The following ARL15 variants were observed in gnomAD, a reference collection of about 807,000 sequenced individuals.
The protein encoded by ARL15 is ARF like GTPase 15, also known as ADP-ribosylation factor-like protein 15.
In ARL15, 19 loss-of-function variants were observed where a neutral mutation model predicts 25.2. The ratio of observed to expected loss-of-function variants is 0.75; its 90% CI spans 0.53 to 1.10. The LOEUF (loss-of-function observed/expected upper bound fraction) is 1.10, where lower values mean the gene tolerates loss of function less well. Ranked by LOEUF, ARL15 falls within the 50% of genes least tolerant of loss-of-function variation. ARL15 has a pLI of 0.00. For synonymous variants in ARL15, 94 were observed against 86.8 expected, an observed-to-expected ratio of 1.08 and a Z score of -0.46; for missense variants, 220 against 246.0, an observed-to-expected ratio of 0.89 and a Z score of 0.71.
At chr5:54,087,551 A>G in intron 4 of ARL15, among the ~76,000 whole-genome samples, 1 of 152,174 alleles carries the variant, frequency 6.6e-6, no homozygotes, top group East Asian at 1.9e-4. Context: ...AGCTAAAAGG[A>G]ATAGCAGAGG....
intron 4 of ARL15, among the ~76,000 whole-genome samples, chr5:54,074,144 G>A (rs1453966930): frequency 6.6e-6 from 1 of 152,162 alleles, no homozygotes; most frequent in African/African-American, 2.4e-5. Flanking sequence ...ACCAGATCTG[G>A]ATTATAACAT....
chr5:54,136,432 A>G (rs542376381), intron 3 of ARL15, among the ~76,000 whole-genome samples: 4 of 152,202 alleles, frequency 2.6e-5, no homozygotes, highest in Non-Finnish European at 5.9e-5. Context: ...AATGTAAAAT[A>G]TCATCTGTTT....
intron 4 of ARL15, among the ~76,000 whole-genome samples, chr5:54,031,236 T>C (rs1268540174): frequency 2.0e-5 from 3 of 152,188 alleles, no homozygotes; most frequent in Non-Finnish European, 4.4e-5. Flanking sequence ...CAAAAATTAA[T>C]ACCTGTAAGC....
At chr5:54,234,153 GC>G (rs1278666800) in intron 1 of ARL15, among the ~76,000 whole-genome samples, 11 of 151,998 alleles carry the variant, frequency 7.2e-5, no homozygotes, top group Admixed American at 2.0e-4. Flanking sequence ...GTGCCACCAA[GC>G]CCGGCTAATT....
rs76828339 is a variant in ARL15 at position 54,305,552 on chromosome 5, T to C, written c.48+4880A>G. Among the ~76,000 whole-genome samples, 62 of 152,330 alleles carry C rather than the reference T, an allele frequency of 4.1e-4. No homozygotes were observed. The East Asian group carries it at 0.012, about 28-fold the overall frequency. On this transcript the variant is annotated intron_variant, in intron 1 of 4. Transcript: ENST00000504924. ...TATATTCCAAGTCCCAGTGGATACC[T>C]AAAACCACAGATAGTACTGAGCTAT...
chr5:54,019,290 C>T (rs886588768), intron 4 of ARL15, among the ~76,000 whole-genome samples: 5 of 151,726 alleles, frequency 3.3e-5, no homozygotes, highest in Admixed American at 2.6e-4. Flanking sequence ...GGTAAGTAAA[C>T]GACGTATTGT....
At chr5:54,273,271 GTTAA>G (rs1757838107) in intron 1 of ARL15, among the ~76,000 whole-genome samples, 1 of 152,158 alleles carries the variant, frequency 6.6e-6, no homozygotes, top group Non-Finnish European at 1.5e-5. Context: ...TGAAATTTAG[GTTAA>G]TTATGAACTT....
chr5:54,250,912 T>G (rs2112598745), intron 1 of ARL15, among the ~76,000 whole-genome samples: 1 of 152,252 alleles, frequency 6.6e-6, no homozygotes, highest in East Asian at 1.9e-4. Context: ...CTGAAAGAAG[T>G]TATAAAAAGC....
At chr5:53,912,582 A>G (rs1318152131) in intron 4 of ARL15, among the ~76,000 whole-genome samples, 1 of 152,204 alleles carries the variant, frequency 6.6e-6, no homozygotes, top group Non-Finnish European at 1.5e-5. Flanking sequence ...CAATGTTTTT[A>G]TATTTCTCCA....
chr5:54,022,187 G>A (rs1016916481), intron 4 of ARL15, among the ~76,000 whole-genome samples: 6 of 152,046 alleles, frequency 3.9e-5, no homozygotes, highest in African/African-American at 1.4e-4. Context: ...AAGAAATACT[G>A]GAACACTGGG....
At chr5:54,240,516 T>A (rs1177700497) in intron 1 of ARL15, among the ~76,000 whole-genome samples, 3 of 152,102 alleles carry the variant, frequency 2.0e-5, no homozygotes, top group African/African-American at 7.2e-5. Flanking sequence ...TAAAAGATTG[T>A]GTTGCCTAAC....
At chr5:54,125,583 T>C (rs984096609) in intron 3 of ARL15, among the ~76,000 whole-genome samples, 15 of 152,244 alleles carry the variant, frequency 9.9e-5, no homozygotes, top group Admixed American at 9.8e-4. Flanking sequence ...GATCAGCATG[T>C]GCGTTGCTTC....
At chr5:54,304,487 C>A (rs370300903) in intron 1 of ARL15, among the ~76,000 whole-genome samples, 2 of 152,176 alleles carry the variant, frequency 1.3e-5, no homozygotes, top group East Asian at 3.9e-4. Flanking sequence ...AGAATGCAAG[C>A]CCCTGGAGGG....
At chr5:53,933,372 C>T (rs1254819868) in intron 4 of ARL15, among the ~76,000 whole-genome samples, 4 of 151,932 alleles carry the variant, frequency 2.6e-5, no homozygotes, top group Admixed American at 6.6e-5. Context: ...AAAGGCCGGG[C>T]GCGGTGGCTC....
At chr5:54,074,538 C>G (rs149473172) in intron 4 of ARL15, among the ~76,000 whole-genome samples, 331 of 152,236 alleles carry the variant, frequency 2.2e-3, no homozygotes, top group Non-Finnish European at 3.1e-3. Flanking sequence ...ATCTGCTTTT[C>G]TGCTTTTGTA....
intron 2 of ARL15, among the ~76,000 whole-genome samples, chr5:54,160,352 A>C (rs2112365650): frequency 6.6e-6 from 1 of 152,330 alleles, no homozygotes; most frequent in Middle Eastern, 3.4e-3. Context: ...GAACATTTTC[A>C]ATCTTTTTCA....
chr5:54,063,441 C>T (rs1751127088), intron 4 of ARL15, among the ~76,000 whole-genome samples: 1 of 152,170 alleles, frequency 6.6e-6, no homozygotes. Flanking sequence ...TGTGGGCAGA[C>T]ACAAAGCAGC....
intron 1 of ARL15, among the ~76,000 whole-genome samples, chr5:54,175,065 T>G (rs1356938220): frequency 6.6e-6 from 1 of 152,232 alleles, no homozygotes. Flanking sequence ...ATCATAAACC[T>G]TAAATATCAA....
chr5:54,062,153 T>C (rs915947845), intron 4 of ARL15, among the ~76,000 whole-genome samples: 7 of 152,236 alleles, frequency 4.6e-5, no homozygotes, highest in African/African-American at 1.7e-4. Context: ...ACCCAATGCC[T>C]GTACCCGCAT....
Sources: allele counts gnomAD v4.1 joint callset (sites outside exome capture counted in the v4.1 genomes callset), GRCh38; gene constraint gnomAD v4.1.1; transcripts MANE v1.5; gene names NCBI Gene and HGNC (gene_info 2026-07-23, HGNC 2026-07-21).